Variants in POTEF observed in about 807,000 individuals in gnomAD.
The protein encoded by POTEF is POTE ankyrin domain family member F.
Under a neutral mutation model 83.2 loss-of-function variants are expected in POTEF, and 20 were observed. That is an observed-to-expected ratio of 0.24 (90% confidence interval 0.17 to 0.35). POTEF has a LOEUF of 0.35. Among genes scored for constraint, POTEF ranks in the 10% least tolerant of loss-of-function variants. The pLI, the probability that POTEF is intolerant of heterozygous loss-of-function variation, is 1.00. For missense variants in POTEF, 550 were observed against 1,203.2 expected, an observed-to-expected ratio of 0.46 and a Z score of 8.03; for synonymous variants, 196 against 446.4, an observed-to-expected ratio of 0.44 and a Z score of 7.07.
Position 130,103,134 on chromosome 2 carries a change from C to T in POTEF, c.1127-954G>A, listed in dbSNP as rs1184722369. ...TTTTTTTTTTTGAGCCAGGGTCTTG[C>T]TCTGTCACCAGGCTGGAGTGCAGTG... On this transcript the variant is annotated intron_variant, in intron 8 of 16. Transcript: ENST00000409914. 2.2e-5 allele frequency among the ~76,000 whole-genome samples: 3 copies of T among 139,474 alleles called. No individual in the cohort carries two copies. The Admixed American group carries it at 2.2e-4, about 10-fold the overall frequency. 91.5% of individuals were successfully genotyped at this position (139,474 alleles called of 152,430 possible).
intron 3 of POTEF, among the ~76,000 whole-genome samples, chr2:130,118,341 G>A (rs1684897660): frequency 6.6e-6 from 1 of 151,802 alleles, no homozygotes; most frequent in Non-Finnish European, 1.5e-5. Context: ...ATGTGCATAG[G>A]TCACTGGTAG....
intron 2 of POTEF, among the ~76,000 whole-genome samples, chr2:130,121,287 C>T (rs1417510773): frequency 6.7e-6 from 1 of 149,142 alleles, no homozygotes; most frequent in African/African-American, 2.5e-5. Flanking sequence ...AGCTTTCAAG[C>T]CACTGAGAAG....
intron 2 of POTEF, among the ~76,000 whole-genome samples, chr2:130,125,598 G>A (rs1312703407): frequency 6.6e-6 from 1 of 151,374 alleles, no homozygotes; most frequent in Non-Finnish European, 1.5e-5. Flanking sequence ...GACACTGCAG[G>A]TTCTTAGATA....
intron 6 of POTEF, among the ~76,000 whole-genome samples, chr2:130,111,026 GA>G (rs1684695142): frequency 8.2e-6 from 1 of 121,858 alleles, no homozygotes; most frequent in Non-Finnish European, 1.6e-5. Flanking sequence ...TGCTGTAATA[GA>G]AAATCAGCTA....
intron 2 of POTEF, among the ~76,000 whole-genome samples, chr2:130,121,886 CCAT>C (rs753878773): frequency 2.5e-5 from 3 of 118,180 alleles, no homozygotes; most frequent in Admixed American, 9.9e-5. Flanking sequence ...TAAACAATCA[CCAT>C]GATTTTAGAA....
chr2:130,105,785 G>GC lies in POTEF; in HGVS notation c.1126+2223dup, dbSNP rs1265089402. On this transcript the variant is annotated intron_variant, in intron 8 of 16. Transcript: ENST00000409914. ...TCCCCTGCTCAAATTTCTCCAATGA[G>GC]CCCCTGCAGCACACATTGTTGGCTC... 5.0e-4 allele frequency among the ~76,000 whole-genome samples: 74 copies of GC among 147,426 alleles called. No homozygotes were observed. In the Middle Eastern group the frequency reaches 0.014, roughly 27 times the overall value.
At chr2:130,122,430 C>A (rs868681322) in intron 2 of POTEF, among the ~76,000 whole-genome samples, 1,331 of 141,502 alleles carry the variant, frequency 9.4e-3, no homozygotes, top group African/African-American at 0.034. Flanking sequence ...ATAGGGTGTC[C>A]TTTCCCATTT....
rs3100061 is a variant in POTEF, at chr2:130,113,227, A to T, written c.811-1126T>A. Reference sequence around the variant, plus strand: ...CAAAAACCTCATCTCTACTGAAAAAAAAAAAAAAAAAACTGAGGTTGGAGG... The same window carrying T: ...CAAAAACCTCATCTCTACTGAAAAATAAAAAAAAAAAACTGAGGTTGGAGG... On this transcript the variant is annotated intron_variant, in intron 5 of 16. Coordinates refer to ENST00000409914, the MANE Select transcript of POTEF (RefSeq NM_001099771.2). Among the ~76,000 whole-genome samples the T allele has an allele frequency of 8.9e-5, 11 of 123,524 alleles. 1 individual carries two copies. The highest frequency in any genetic ancestry group is 3.4e-5 in the Non-Finnish European group (2 of 58,238). The allele number at this position is 123,524 out of a possible 152,430, so 81.0% of individuals were successfully genotyped here. A position where few individuals can be genotyped will look rare whatever the true frequency, so the allele number is the denominator to read the frequency against.
chr2:130,126,346 T>C (rs374501523), intron 2 of POTEF, among the ~76,000 whole-genome samples: 2 of 146,586 alleles, frequency 1.4e-5, no homozygotes, highest in African/African-American at 5.0e-5. Context: ...AAGGAAATGG[T>C]GGCAGAGAAA....
rs1051147085 is a variant in POTEF, at chr2:130,120,615, G to A, written c.-93-7C>T. 1.3e-5 allele frequency: 21 copies of A among 1,586,348 alleles called. No homozygotes were observed. The highest frequency in any genetic ancestry group is 1.7e-5 in the Non-Finnish European group (20 of 1,166,458). On this transcript the variant is annotated splice_region_variant and splice_polypyrimidine_tract_variant and intron_variant, in intron 2 of 16. Coordinates refer to ENST00000409914, the MANE Select transcript of POTEF (RefSeq NM_001099771.2). ...GTAACTCCGGGTTTCCAATCTGTTT[G>A]AAGAGAAAAGTCAATCCCAGCCAAA...
At chr2:130,110,075 C>T (rs1684667491) in intron 7 of POTEF, among the ~76,000 whole-genome samples, 1 of 151,262 alleles carries the variant, frequency 6.6e-6, no homozygotes, top group African/African-American at 2.5e-5. Context: ...GTCTTTTTTC[C>T]TCCTCCTTCT....
At chr2:130,126,900 GAGA>G (rs769199454) in intron 2 of POTEF, among the ~76,000 whole-genome samples, 3 of 151,940 alleles carry the variant, frequency 2.0e-5, no homozygotes, top group Non-Finnish European at 4.4e-5. Flanking sequence ...ACAAGAAGAT[GAGA>G]AGAATACACA....
chr2:130,086,628 CT>C (rs1190556317), intron 13 of POTEF, among the ~76,000 whole-genome samples: 1 of 69,524 alleles, frequency 1.4e-5, no homozygotes, highest in African/African-American at 6.9e-5. Flanking sequence ...AATAATTCAC[CT>C]TAGACAAAGG....
intron 2 of POTEF, among the ~76,000 whole-genome samples, chr2:130,125,863 G>A (rs1685079084): frequency 6.7e-6 from 1 of 150,342 alleles, no homozygotes; most frequent in Non-Finnish European, 1.5e-5. Context: ...CCAAGATCGG[G>A]CCATCGTACT....
chr2:130,116,155 T>G (rs978657279), intron 3 of POTEF, among the ~76,000 whole-genome samples: 6 of 151,938 alleles, frequency 3.9e-5, no homozygotes, highest in Non-Finnish European at 7.3e-5. Flanking sequence ...CAATTCTTAC[T>G]TTGGTTTTCA....
At chr2:130,128,000 G>A (rs1006573586) in intron 1 of POTEF, 136 bp from the exon 2 acceptor site, 2 of 128,512 alleles carry the variant, frequency 1.6e-5, no homozygotes, top group Admixed American at 8.4e-5. Flanking sequence ...GCAAAAGGTG[G>A]CCAGGAACTG....
chr2:130,126,817 G>A (rs1178373959), intron 2 of POTEF, among the ~76,000 whole-genome samples: 7 of 151,330 alleles, frequency 4.6e-5, no homozygotes, highest in Non-Finnish European at 8.8e-5. Context: ...TTGGCATAAA[G>A]AAAACAAAAA....
chr2:130,122,392 T>C lies in POTEF; in HGVS notation c.-93-1784A>G, dbSNP rs1573618606. Among the ~76,000 whole-genome samples, 3 of 146,882 alleles carry C rather than the reference T, an allele frequency of 2.0e-5. No individual in the cohort carries two copies. The East Asian group carries it at 6.0e-4, about 29-fold the overall frequency. ...CGGCTTCATTTTTCTGCATGTGGCT[T>C]GCCAATTATACCAGCAGCATATGTT... On this transcript the variant is annotated intron_variant, in intron 2 of 16. Transcript: ENST00000409914.
At chr2:130,075,852 A>G (rs1683785527) in intron 16 of POTEF, among the ~76,000 whole-genome samples, 1 of 150,402 alleles carries the variant, frequency 6.6e-6, no homozygotes, top group Non-Finnish European at 1.5e-5. Flanking sequence ...AAAATAAATC[A>G]CTAGAGGATT....
Sources: allele counts gnomAD v4.1 joint callset (sites outside exome capture counted in the v4.1 genomes callset), GRCh38; gene constraint gnomAD v4.1.1; transcripts MANE v1.5; gene names NCBI Gene and HGNC (gene_info 2026-07-23, HGNC 2026-07-21).